NTRK3: variants seen among roughly 807,000 people sequenced by gnomAD.
NTRK3 encodes the protein NT-3 growth factor receptor.
Under a neutral mutation model 91.7 loss-of-function variants are expected in NTRK3, and 24 were observed. That is an observed-to-expected ratio of 0.26 (90% CI 0.19 to 0.37). The LOEUF (loss-of-function observed/expected upper bound fraction) is 0.37, where lower values mean the gene tolerates loss of function less well. Ranked by LOEUF, NTRK3 falls within the 10% of genes least tolerant of loss-of-function variation. The probability of loss-of-function intolerance (pLI) is 1.00; values close to 1 mark genes in which losing one functional copy is unlikely to be tolerated. For missense variants in NTRK3, 880 were observed against 1,068.9 expected (o/e 0.82, Z 2.46); for synonymous variants, 483 against 404.0 (o/e 1.20, Z -2.34).
chr15:88,139,976 G>C (rs2042237656), intron 6 of NTRK3, among the ~76,000 whole-genome samples: 2 of 152,138 alleles, frequency 1.3e-5, no homozygotes, highest in African/African-American at 2.4e-5. Context: ...AAAGGCAAAG[G>C]GAAGTTGTAG....
chr15:88,055,802 C>T (rs1401524694), intron 13 of NTRK3, among the ~76,000 whole-genome samples: 2 of 152,144 alleles, frequency 1.3e-5, no homozygotes, highest in African/African-American at 4.8e-5. Context: ...GGCATTTAAA[C>T]GGGGCAGCCT....
intron 3 of NTRK3, among the ~76,000 whole-genome samples, chr15:88,254,694 C>A (rs149565701): frequency 4.7e-4 from 71 of 152,276 alleles, no homozygotes; most frequent in African/African-American, 1.7e-3. Flanking sequence ...CCCTTAAGTC[C>A]GTCGAAGGGG....
rs192779093 is a variant in NTRK3 at position 87,933,270 on chromosome 15, C to T, written c.1717-86G>A. 1.0e-4 allele frequency: 132 copies of T among 1,298,852 alleles called. 1 individual carries two copies. In the East Asian group the frequency reaches 3.0e-3, roughly 30 times the overall value. 80.5% of individuals were successfully genotyped at this position (1,298,852 alleles called of 1,614,324 possible). ...CTCCTGGAAAGAAACTGGCCCCACA[C>T]ACCACTGGGTTACCAATAAATATGA... On this transcript the variant is annotated intron_variant, in intron 15 of 18. Coordinates refer to ENST00000394480, the Ensembl canonical transcript of NTRK3.
At chr15:87,909,417 T>C (rs1337701541) in intron 17 of NTRK3, among the ~76,000 whole-genome samples, 2 of 152,158 alleles carry the variant, frequency 1.3e-5, no homozygotes, top group African/African-American at 4.8e-5. Flanking sequence ...GAAGCAGCAC[T>C]GGAATGACCT....
chr15:88,121,923 T>C (rs2349056), intron 13 of NTRK3, among the ~76,000 whole-genome samples: 42,106 of 152,180 alleles, frequency 0.28, 6,389 homozygotes, highest in African/African-American at 0.38. Flanking sequence ...AGGTGACCCC[T>C]TCCCCAAGCC....
chr15:88,195,715 A>G (rs2047758553), intron 3 of NTRK3, among the ~76,000 whole-genome samples: 1 of 152,220 alleles, frequency 6.6e-6, no homozygotes, highest in African/African-American at 2.4e-5. Context: ...TTTGATCAAG[A>G]GTAAAAACAG....
intron 14 of NTRK3, among the ~76,000 whole-genome samples, chr15:88,021,761 G>GA (rs1052338950): frequency 3.3e-5 from 5 of 152,204 alleles, no homozygotes; most frequent in Admixed American, 3.3e-4. Context: ...AGTGCAAGGG[G>GA]AATGAGAACC....
chr15:88,076,016 T>C (rs2047514326), intron 13 of NTRK3, among the ~76,000 whole-genome samples: 2 of 152,232 alleles, frequency 1.3e-5, no homozygotes, highest in South Asian at 4.1e-4. Context: ...GGTGCTATTG[T>C]TGTAGATTTA....
intron 17 of NTRK3, among the ~76,000 whole-genome samples, chr15:87,881,183 C>T (rs2065223726): frequency 6.6e-6 from 1 of 152,200 alleles, no homozygotes; most frequent in Non-Finnish European, 1.5e-5. Flanking sequence ...TAGGGAACTC[C>T]TCTTTGCCCA....
intron 3 of NTRK3, among the ~76,000 whole-genome samples, chr15:88,207,983 T>G (rs186067716): frequency 6.6e-6 from 1 of 152,312 alleles, no homozygotes; most frequent in Admixed American, 6.5e-5. Context: ...CTACGGTGTG[T>G]GGATCCCAAA....
chr15:87,887,035 A>T (rs2065596004), intron 17 of NTRK3, among the ~76,000 whole-genome samples: 1 of 152,070 alleles, frequency 6.6e-6, no homozygotes, highest in African/African-American at 2.4e-5. Context: ...GAGTCCTAAA[A>T]ATTGATGCTG....
chr15:87,980,290 T>C (rs1266068722), intron 14 of NTRK3, among the ~76,000 whole-genome samples: 2 of 152,208 alleles, frequency 1.3e-5, no homozygotes, highest in Non-Finnish European at 2.9e-5. Flanking sequence ...TTCAATCAAC[T>C]ACAGATTTTA....
intron 17 of NTRK3, chr15:87,908,691 C>CTA (rs2066914730): frequency 5.1e-6 from 2 of 395,252 alleles, no homozygotes; most frequent in Admixed American, 8.8e-5. Flanking sequence ...AACTGAATGG[C>CTA]GTGTCTCTCC....
chr15:87,876,471 C>T (rs2064953168), exon 19 of NTRK3: 2 of 227,992 alleles, frequency 8.8e-6, no homozygotes, highest in East Asian at 6.3e-5. Context: ...ACCTTAACTC[C>T]TCCCGTCCCA....
At chr15:88,189,483 G>A (rs1386589659) in intron 3 of NTRK3, among the ~76,000 whole-genome samples, 2 of 151,424 alleles carry the variant, frequency 1.3e-5, no homozygotes, top group African/African-American at 2.4e-5. Flanking sequence ...GAGTGCAATG[G>A]CTCACTGCAA....
intron 13 of NTRK3, among the ~76,000 whole-genome samples, chr15:88,052,044 C>T (rs1023700387): frequency 6.6e-6 from 1 of 152,214 alleles, no homozygotes; most frequent in African/African-American, 2.4e-5. Flanking sequence ...TGATTCTTCA[C>T]CTATCCAGGC....
At chr15:88,141,997 C>T (rs28628515) in intron 6 of NTRK3, among the ~76,000 whole-genome samples, 2 of 152,194 alleles carry the variant, frequency 1.3e-5, no homozygotes, top group South Asian at 4.1e-4. Flanking sequence ...CTGGACTTTC[C>T]TCCAAGAGAA....
chr15:88,173,250 C>A (rs143265743), intron 5 of NTRK3, among the ~76,000 whole-genome samples: 1 of 152,148 alleles, frequency 6.6e-6, no homozygotes, highest in Non-Finnish European at 1.5e-5. Flanking sequence ...GTTGAAGTTG[C>A]GCACATAGGC....
At position 88,181,386 on chromosome 15, in the gene NTRK3, AG is replaced by A. The variant is rs1435718083; in HGVS notation, c.395+2031del. 5.3e-5 allele frequency among the ~76,000 whole-genome samples: 8 copies of A among 152,120 alleles called. No individual in the cohort carries two copies. In the East Asian group the frequency reaches 1.3e-3, roughly 26 times the overall value. On this transcript the variant is annotated intron_variant, in intron 5 of 18. Transcript: ENST00000394480. ...TCACAGCCCTCTTCCAGGATCCTCAAGGGCAAGCCAAAGACATGCTCTGGTA... is the reference window on the plus strand; with the variant it reads ...TCACAGCCCTCTTCCAGGATCCTCAAGGCAAGCCAAAGACATGCTCTGGTA...
Sources: allele counts gnomAD v4.1 joint callset (sites outside exome capture counted in the v4.1 genomes callset), GRCh38; gene constraint gnomAD v4.1.1; transcripts MANE v1.5; gene names NCBI Gene and HGNC (gene_info 2026-07-23, HGNC 2026-07-21).